Variants in SPOCK3 observed in about 807,000 individuals in gnomAD.
SPOCK3 encodes the protein testican-3.
In SPOCK3, 30 loss-of-function variants were observed where a neutral mutation model predicts 56.6. The ratio of observed to expected loss-of-function variants is 0.53; its 90% CI spans 0.40 to 0.72. The LOEUF is 0.72. Ranked by LOEUF, SPOCK3 falls within the 30% of genes least tolerant of loss-of-function variation. The pLI is 0.00. For synonymous variants in SPOCK3, 196 were observed against 183.3 expected (o/e 1.07, Z -0.56); for missense variants, 527 against 530.0 (o/e 0.99, Z 0.06).
intron 4 of SPOCK3, among the ~76,000 whole-genome samples, chr4:166,933,435 C>G (rs1740019374): frequency 6.6e-6 from 1 of 152,162 alleles, no homozygotes; most frequent in African/African-American, 2.4e-5. Flanking sequence ...AGTGCTGGTT[C>G]CACAGGGAAT....
At chr4:166,905,418 G>A (rs901773086) in intron 5 of SPOCK3, among the ~76,000 whole-genome samples, 5 of 151,880 alleles carry the variant, frequency 3.3e-5, no homozygotes, top group African/African-American at 1.2e-4. Flanking sequence ...TCCTTTTTTA[G>A]TATATAGTAA....
At chr4:167,035,564 T>C (rs952219878) in intron 3 of SPOCK3, among the ~76,000 whole-genome samples, 1 of 152,104 alleles carries the variant, frequency 6.6e-6, no homozygotes. Context: ...TCTACCCTTG[T>C]TGCAAAACCA....
In SPOCK3 at chr4:166,979,004, A is replaced by G. The variant is rs201713126; in HGVS notation, c.350+21345T>C. ...GAAGTATGTGAATGTATTCTTCTTC[A>G]AATTACAATAAGAACAATCATAATA... On this transcript the variant is annotated intron_variant, in intron 4 of 10. Transcript: ENST00000357545. Among the ~76,000 whole-genome samples, 7 of 152,338 alleles carry G rather than the reference A, an allele frequency of 4.6e-5. No individual in the cohort carries two copies. In the East Asian group the frequency reaches 1.3e-3, roughly 29 times the overall value.
At chr4:166,969,813 C>CA (rs1299638732) in intron 4 of SPOCK3, among the ~76,000 whole-genome samples, 3 of 151,878 alleles carry the variant, frequency 2.0e-5, no homozygotes, top group Admixed American at 1.3e-4. Context: ...TCAAAGCCTC[C>CA]TTTTTTTTAG....
At chr4:166,824,784 T>C (rs973334347) in intron 6 of SPOCK3, among the ~76,000 whole-genome samples, 1 of 152,104 alleles carries the variant, frequency 6.6e-6, no homozygotes, top group African/African-American at 2.4e-5. Context: ...AGGTCACCTA[T>C]CACTATACAT....
intron 4 of SPOCK3, among the ~76,000 whole-genome samples, chr4:166,964,103 G>T (rs1316908154): frequency 6.6e-6 from 1 of 151,208 alleles, no homozygotes; most frequent in Non-Finnish European, 1.5e-5. Flanking sequence ...TTGTGTTGAG[G>T]TGAATATATA....
intron 3 of SPOCK3, among the ~76,000 whole-genome samples, chr4:167,007,317 C>T (rs909828705): frequency 6.6e-6 from 1 of 152,196 alleles, no homozygotes; most frequent in African/African-American, 2.4e-5. Context: ...AAATAATCTA[C>T]ACACATCCTC....
At chr4:167,109,226 T>TAA (rs1324062243) in intron 2 of SPOCK3, among the ~76,000 whole-genome samples, 1 of 88,150 alleles carries the variant, frequency 1.1e-5, no homozygotes, top group Non-Finnish European at 2.0e-5. Flanking sequence ...ATATAGTATA[T>TAA]AATATATATT....
chr4:167,125,721 A>G (rs2150371728), intron 2 of SPOCK3, among the ~76,000 whole-genome samples: 1 of 152,270 alleles, frequency 6.6e-6, no homozygotes, highest in East Asian at 1.9e-4. Flanking sequence ...TCTCAAAAAA[A>G]TAAATAAATA....
intron 4 of SPOCK3, among the ~76,000 whole-genome samples, chr4:166,920,059 A>G (rs1030694665): frequency 6.6e-6 from 1 of 152,130 alleles, no homozygotes; most frequent in African/African-American, 2.4e-5. Context: ...GAAGAAGTAA[A>G]TTGACGGAGC....
intron 4 of SPOCK3, among the ~76,000 whole-genome samples, chr4:166,928,766 C>A (rs547718866): frequency 6.6e-6 from 1 of 152,012 alleles, no homozygotes; most frequent in African/African-American, 2.4e-5. Context: ...GTCAGCAGTT[C>A]GAGACAGCCT....
intron 2 of SPOCK3, among the ~76,000 whole-genome samples, chr4:167,094,737 C>G (rs1438246531): frequency 6.6e-6 from 1 of 152,116 alleles, no homozygotes; most frequent in Admixed American, 6.6e-5. Flanking sequence ...TATGTCTTCT[C>G]TCATTACTGT....
At chr4:167,030,155 C>T (rs1287414656) in intron 3 of SPOCK3, among the ~76,000 whole-genome samples, 6 of 150,038 alleles carry the variant, frequency 4.0e-5, no homozygotes, top group African/African-American at 1.2e-4. Flanking sequence ...TAATCCTCAA[C>T]TATCCATCCA....
chr4:166,989,653 A>G (rs1464043332), intron 4 of SPOCK3, among the ~76,000 whole-genome samples: 1 of 152,162 alleles, frequency 6.6e-6, no homozygotes, highest in Non-Finnish European at 1.5e-5. Context: ...AACCAATGAA[A>G]AAGTTGATGA....
At chr4:167,168,568 G>C (rs28775385) in intron 2 of SPOCK3, among the ~76,000 whole-genome samples, 7 of 151,918 alleles carry the variant, frequency 4.6e-5, no homozygotes, top group Admixed American at 4.6e-4. Flanking sequence ...CTAGAGATCT[G>C]TGGAACTTTG....
intron 2 of SPOCK3, among the ~76,000 whole-genome samples, chr4:167,064,929 C>G (rs1320410175): frequency 6.7e-6 from 1 of 149,956 alleles, no homozygotes; most frequent in East Asian, 2.0e-4. Flanking sequence ...CTTTGGGCAA[C>G]ACCACGGACA....
At chr4:167,125,574 C>A (rs2450094) in intron 2 of SPOCK3, among the ~76,000 whole-genome samples, 26,486 of 151,246 alleles carry the variant, frequency 0.18, 2,505 homozygotes, top group East Asian at 0.21. Context: ...ATTCGCCGGG[C>A]GTGTTGGCGG....
At chr4:167,210,694 G>C (rs1057260838) in intron 2 of SPOCK3, among the ~76,000 whole-genome samples, 2 of 152,020 alleles carry the variant, frequency 1.3e-5, no homozygotes, top group Admixed American at 1.3e-4. Flanking sequence ...TCATACATTT[G>C]ATTGCCTGAT....
At position 167,222,811 on chromosome 4, in the gene SPOCK3, AT is replaced by A. The variant is rs1278364633; in HGVS notation, c.189+11173del. 9.7e-3 allele frequency among the ~76,000 whole-genome samples: 1,051 copies of A among 107,968 alleles called. 17 individuals are homozygous for A. Among genetic ancestry groups the A allele is most frequent in the Non-Finnish European group, 0.013 (764 of 59,232 alleles). The allele number at this position is 107,968 out of a possible 152,430, so 70.8% of individuals were successfully genotyped here. A position where few individuals can be genotyped will look rare whatever the true frequency, so the allele number is the denominator to read the frequency against. On this transcript the variant is annotated intron_variant, in intron 2 of 10. Coordinates refer to ENST00000357545, the MANE Select transcript of SPOCK3 (RefSeq NM_001040159.2). ...CATAGATATATATTGATATATGAAT[AT>A]ATAAATATATAAACATAGATATATA...
Sources: gnomAD v4.1 joint callset for allele counts (sites outside exome capture counted in the v4.1 genomes callset) on GRCh38, gnomAD v4.1.1 for gene constraint, MANE v1.5 for transcripts, NCBI Gene and HGNC (gene_info 2026-07-23, HGNC 2026-07-21) for gene names.